The following BMPER variants were observed in gnomAD, a reference collection of about 807,000 sequenced individuals.
The protein encoded by BMPER is BMP-binding endothelial regulator protein.
A neutral mutation model predicts 87.3 loss-of-function variants in BMPER; 45 were observed. The observed-to-expected ratio is 0.52, with a 90% CI of 0.41 to 0.66. BMPER has a LOEUF of 0.66. Among genes scored for constraint, BMPER ranks in the 30% least tolerant of loss-of-function variants. The pLI is 0.00. For missense variants in BMPER, 784 were observed against 867.5 expected, an observed-to-expected ratio of 0.90 and a Z score of 1.21; for synonymous variants, 326 against 316.2, an observed-to-expected ratio of 1.03 and a Z score of -0.33.
chr7:34,087,404 G>A (rs1789244329), intron 13 of BMPER, among the ~76,000 whole-genome samples: 1 of 152,184 alleles, frequency 6.6e-6, no homozygotes, highest in African/African-American at 2.4e-5. Context: ...AAGGTCTGAT[G>A]GAAAGCAGTA....
intron 6 of BMPER, among the ~76,000 whole-genome samples, chr7:34,022,096 AGGTGTACCAGTT>A (rs1434397363): frequency 6.6e-6 from 1 of 152,042 alleles, no homozygotes; most frequent in African/African-American, 2.4e-5. Context: ...GCTTAATGAA[AGGTGTACCAGTT>A]GGGTAGAAAT....
At chr7:33,921,742 G>A (rs1460927240) in intron 2 of BMPER, 11 of 470,898 alleles carry the variant, frequency 2.3e-5, no homozygotes, top group Admixed American at 1.4e-4. Context: ...GCTGCAGGAC[G>A]AAGCTGACGT....
intron 11 of BMPER, among the ~76,000 whole-genome samples, chr7:34,070,816 C>CTTTTTTTTTT (rs60588204): frequency 4.2e-5 from 5 of 119,484 alleles, no homozygotes; most frequent in African/African-American, 6.2e-5. Flanking sequence ...AGCGGCAGAG[C>CTTTTTTTTTT]TTTTTTTTTT....
chr7:33,933,706 T>TC (rs1355482754), intron 2 of BMPER, among the ~76,000 whole-genome samples: 3 of 152,148 alleles, frequency 2.0e-5, no homozygotes, highest in African/African-American at 7.2e-5. Context: ...CTGGAGTTGC[T>TC]CTGCTTTCGT....
intron 9 of BMPER, 126 bp downstream of exon 9, chr7:34,055,429 A>G (rs1788257684): frequency 8.5e-7 from 1 of 1,176,642 alleles, no homozygotes; most frequent in South Asian, 1.3e-5. Context: ...ATATGTGTGC[A>G]TATATTAATA....
chr7:34,011,992 T>C (rs949384101), intron 6 of BMPER, among the ~76,000 whole-genome samples: 1 of 151,820 alleles, frequency 6.6e-6, no homozygotes, highest in Non-Finnish European at 1.5e-5. Context: ...AGCCTCAAAA[T>C]AGCAACAATG....
intron 13 of BMPER, among the ~76,000 whole-genome samples, chr7:34,105,960 C>T (rs1041283331): frequency 1.1e-4 from 17 of 152,236 alleles, no homozygotes; most frequent in Non-Finnish European, 2.2e-4. Context: ...CCCCCAAAGC[C>T]TGTCTTCCAG....
chr7:33,919,763 G>C (rs1784170157), intron 2 of BMPER, among the ~76,000 whole-genome samples: 1 of 152,206 alleles, frequency 6.6e-6, no homozygotes, highest in Non-Finnish European at 1.5e-5. Context: ...GGTTGAGATA[G>C]TTTTGAAGTT....
intron 13 of BMPER, among the ~76,000 whole-genome samples, chr7:34,132,625 A>C (rs1790623977): frequency 6.6e-6 from 1 of 152,336 alleles, no homozygotes; most frequent in South Asian, 2.1e-4. Context: ...TGAGCTCACC[A>C]AAAAGGAGAC....
chr7:34,082,328 G>GTTTT (rs55748957), intron 12 of BMPER, among the ~76,000 whole-genome samples: 14,748 of 116,104 alleles, frequency 0.13, 1,192 homozygotes, highest in Non-Finnish European at 0.16. Flanking sequence ...CAACTTATTA[G>GTTTT]TTTTTTTTTT....
At chr7:34,116,541 G>A (rs1790122918) in intron 13 of BMPER, among the ~76,000 whole-genome samples, 1 of 152,148 alleles carries the variant, frequency 6.6e-6, no homozygotes, top group African/African-American at 2.4e-5. Context: ...AGTTAATAGA[G>A]AATTGTGAGA....
intron 13 of BMPER, among the ~76,000 whole-genome samples, chr7:34,133,319 C>T (rs1025704523): frequency 1.1e-4 from 16 of 152,214 alleles, no homozygotes; most frequent in African/African-American, 3.4e-4. Context: ...TATGTAATGG[C>T]ACCTCCACGA....
chr7:34,058,018 A>G, intron 9 of BMPER, 41 bp from the exon 10 acceptor site: 1 of 1,583,482 alleles, frequency 6.3e-7, no homozygotes, highest in African/African-American at 1.3e-5. Context: ...AACTCCTGTC[A>G]GCCTCCAGCT....
chr7:34,044,366 A>G (rs1174306982), intron 6 of BMPER, among the ~76,000 whole-genome samples: 2 of 152,228 alleles, frequency 1.3e-5, no homozygotes, highest in African/African-American at 4.8e-5. Flanking sequence ...AGAACAGAGA[A>G]TATGAATGAA....
intron 10 of BMPER, among the ~76,000 whole-genome samples, chr7:34,058,371 A>T (rs571322610): frequency 6.6e-6 from 1 of 152,174 alleles, no homozygotes; most frequent in African/African-American, 2.4e-5. Flanking sequence ...CTCTTGTCCC[A>T]ATTCTGATTT....
chr7:34,131,359 G>A (rs1790583871), intron 13 of BMPER, among the ~76,000 whole-genome samples: 1 of 152,134 alleles, frequency 6.6e-6, no homozygotes, highest in South Asian at 2.1e-4. Context: ...TGTGAATGCT[G>A]GTTTATTGTG....
intron 3 of BMPER, among the ~76,000 whole-genome samples, chr7:33,961,493 C>T (rs573868146): frequency 6.6e-6 from 1 of 152,292 alleles, no homozygotes; most frequent in South Asian, 2.1e-4. Context: ...CCTACCACAG[C>T]CAGGAGAAAC....
At chr7:33,962,796 G>A (rs1388666651) in intron 3 of BMPER, among the ~76,000 whole-genome samples, 2 of 151,800 alleles carry the variant, frequency 1.3e-5, no homozygotes, top group African/African-American at 4.8e-5. Flanking sequence ...CTTGTAGGGA[G>A]TTTCTTTTAA....
chr7:33,910,576 A>G (rs535957622), intron 2 of BMPER, among the ~76,000 whole-genome samples: 1 of 152,332 alleles, frequency 6.6e-6, no homozygotes, highest in Admixed American at 6.5e-5. Context: ...CCGAAGTCAG[A>G]GCTTAGTTTG....
Sources: allele counts gnomAD v4.1 joint callset (sites outside exome capture counted in the v4.1 genomes callset), GRCh38; gene constraint gnomAD v4.1.1; transcripts MANE v1.5; gene names NCBI Gene and HGNC (gene_info 2026-07-23, HGNC 2026-07-21).